The following FAM221A variants were observed in gnomAD, a reference collection of about 807,000 sequenced individuals.
FAM221A encodes family with sequence similarity 221 member A, also known as protein FAM221A.
In FAM221A, 43 loss-of-function variants were observed where a neutral mutation model predicts 37.6. The observed-to-expected ratio is 1.15, with a 90% confidence interval of 0.90 to 1.48. The LOEUF (loss-of-function observed/expected upper bound fraction) is 1.48, where lower values mean the gene tolerates loss of function less well. Among genes scored for constraint, FAM221A ranks in the 40% most tolerant of loss-of-function variants. The pLI, the probability that FAM221A is intolerant of heterozygous loss-of-function variation, is 0.00. For missense variants in FAM221A, 361 were observed against 361.5 expected, an observed-to-expected ratio of 1.00 and a Z score of 0.01; for synonymous variants, 135 against 132.9, an observed-to-expected ratio of 1.02 and a Z score of -0.11.
At position 23,698,244 on chromosome 7, in the gene FAM221A, A is replaced by C; in HGVS notation, c.690A>C (p.Pro230=). 1 of 1,599,464 alleles carries C rather than the reference A, an allele frequency of 6.3e-7. No individual in the cohort carries two copies. Among genetic ancestry groups the C allele is most frequent in the Non-Finnish European group, 8.5e-7 (1 of 1,173,058 alleles). ...CTCCCATTACGGCAGTAGACAGCCC[A>C]TTCCTAAAAGCATTTCAAGCATCAT... ...LESPITAVDS[P]FLKAFQASSS... The change falls in exon 5 of 7, where the codon CCA becomes CCC. Residue 230 remains proline (P), a synonymous_variant. Transcript: ENST00000344962.
intron 4 of FAM221A, chr7:23,692,901 C>G: frequency 8.7e-6 from 2 of 229,292 alleles, no homozygotes; most frequent in Non-Finnish European, 1.4e-5. Flanking sequence ...CTCCTGGGTT[C>G]AAGCGATCCT....
chr7:23,698,157 A>G (rs372079451), intron 4 of FAM221A, 35 bp from the exon 5 acceptor site: 3 of 1,081,192 alleles, frequency 2.8e-6, no homozygotes, highest in Non-Finnish European at 4.2e-6. Flanking sequence ...CCCTGTAAAT[A>G]TTTAATTTTT....
chr7:23,699,535 CTTTTTT>C (rs57930152), intron 5 of FAM221A, among the ~76,000 whole-genome samples: 1 of 64,162 alleles, frequency 1.6e-5, no homozygotes, highest in Non-Finnish European at 2.7e-5. Flanking sequence ...TCACCTTTTC[CTTTTTT>C]TTTTTTTTTT....
chr7:23,690,518 T>C (rs1784682352), intron 3 of FAM221A, among the ~76,000 whole-genome samples: 1 of 152,020 alleles, frequency 6.6e-6, no homozygotes. Context: ...CCCATATATG[T>C]TTGTCAGAGG....
chr7:23,684,416 T>C (rs973458801), intron 1 of FAM221A, 83 bp from the exon 2 acceptor site: 5 of 770,456 alleles, frequency 6.5e-6, no homozygotes, highest in African/African-American at 2.3e-5. Context: ...TACAAATTTA[T>C]TTAATATTTG....
chr7:23,683,866 A>G (rs1272422152), intron 1 of FAM221A, among the ~76,000 whole-genome samples: 3 of 152,212 alleles, frequency 2.0e-5, no homozygotes, highest in Non-Finnish European at 4.4e-5. Context: ...GAAGGCCTGG[A>G]AGATATCGCC....
intron 1 of FAM221A, 89 bp from the exon 2 acceptor site, chr7:23,684,410 A>C (rs1784244015): frequency 1.3e-6 from 1 of 741,252 alleles, no homozygotes; most frequent in African/African-American, 2.3e-5. Context: ...AAAGCTTACA[A>C]ATTTATTTAA....
Position 23,701,278 on chromosome 7 carries a change from C to G in FAM221A, c.828+410C>G, listed in dbSNP as rs546896073. Among the ~76,000 whole-genome samples, 9 of 124,572 alleles carry G rather than the reference C, an allele frequency of 7.2e-5. No individual in the cohort carries two copies. The South Asian group carries it at 2.2e-3, about 31-fold the overall frequency. 81.7% of individuals were successfully genotyped at this position (124,572 alleles called of 152,430 possible). On this transcript the variant is annotated intron_variant, in intron 6 of 6. Coordinates refer to ENST00000344962, the MANE Select transcript of FAM221A (RefSeq NM_199136.5). Reference sequence around the variant, plus strand: ...TTTTTGAGACGGAGTCTTGGTCTGTCGCCCAGGCTGGAGTGCAGTGGCGCG... The same window carrying G: ...TTTTTGAGACGGAGTCTTGGTCTGTGGCCCAGGCTGGAGTGCAGTGGCGCG...
intron 4 of FAM221A, among the ~76,000 whole-genome samples, chr7:23,697,976 T>C (rs1318687600): frequency 6.6e-6 from 1 of 152,052 alleles, no homozygotes; most frequent in Non-Finnish European, 1.5e-5. Flanking sequence ...CCAAGACTGG[T>C]CTTGAACTCC....
chr7:23,689,113 A>C (rs1784550919), intron 2 of FAM221A, 156 bp from the exon 3 acceptor site: 1 of 473,522 alleles, frequency 2.1e-6, no homozygotes, highest in Admixed American at 3.4e-5. Context: ...AGGTGATACA[A>C]GTACTATATG....
intron 2 of FAM221A, chr7:23,687,462 T>G (rs1304238029): frequency 6.6e-6 from 1 of 152,186 alleles, no homozygotes; most frequent in Non-Finnish European, 1.5e-5. Flanking sequence ...TGTGGGTGTG[T>G]GTATAATGTA....
chr7:23,686,226 TATACAGCATGG>T, intron 2 of FAM221A: 1 of 405,340 alleles, frequency 2.5e-6, no homozygotes, highest in South Asian at 1.8e-5. Context: ...CTGTATAACT[TATACAGCATGG>T]ACTTGAACGT....
intron 3 of FAM221A, 86 bp downstream of exon 3, chr7:23,689,545 A>T: frequency 1.0e-6 from 1 of 1,000,552 alleles, no homozygotes. Context: ...CTGGTTGTAG[A>T]GTTAATATTC....
intron 4 of FAM221A, among the ~76,000 whole-genome samples, chr7:23,696,159 A>C (rs549334326): frequency 6.6e-6 from 1 of 152,262 alleles, no homozygotes; most frequent in Non-Finnish European, 1.5e-5. Context: ...AAACTTGTTC[A>C]TCATGCTACT....
At position 23,692,753 on chromosome 7, in the gene FAM221A, C is replaced by T. The variant is rs1033585501; in HGVS notation, c.637+1157C>T. On this transcript the variant is annotated intron_variant, in intron 4 of 6. Coordinates refer to ENST00000344962, the MANE Select transcript of FAM221A (RefSeq NM_199136.5). ...ATACTTCTCTTTGTCTAATTCTTTC[C>T]CCGAGGGTAATTTGCTATCATCAAT... is the stretch of plus-strand genomic sequence containing the variant. 31 of 980,110 alleles carry T rather than the reference C, an allele frequency of 3.2e-5. No homozygotes were observed. The African/African-American group carries it at 5.1e-4, about 16-fold the overall frequency. The allele number at this position is 980,110 out of a possible 1,614,324, so 60.7% of individuals were successfully genotyped here. A position where few individuals can be genotyped will look rare whatever the true frequency, so the allele number is the denominator to read the frequency against.
At chr7:23,691,075 C>G (rs1186983350) in intron 3 of FAM221A, among the ~76,000 whole-genome samples, 2 of 152,132 alleles carry the variant, frequency 1.3e-5, no homozygotes, top group African/African-American at 2.4e-5. Context: ...TTCACCTGGT[C>G]CTGGCCACTG....
chr7:23,691,705 AC>A, intron 4 of FAM221A, 109 bp downstream of exon 4: 2 of 957,998 alleles, frequency 2.1e-6, no homozygotes, highest in Non-Finnish European at 3.1e-6. Flanking sequence ...CTTTCAGAAA[AC>A]ATTCTCTCGT....
chr7:23,698,038 G>A (rs908388501), intron 4 of FAM221A, among the ~76,000 whole-genome samples, 154 bp from the exon 5 acceptor site: 3 of 152,094 alleles, frequency 2.0e-5, no homozygotes, highest in Admixed American at 2.0e-4. Context: ...GGCATTACAG[G>A]CATGAGCCAT....
chr7:23,702,280 G>A lies in FAM221A; in HGVS notation c.*116G>A, dbSNP rs1785508919. ...TACTTTTTTTTTTTACTGTATAAAT[G>A]TCTTTTGGGATGTTTCCTTAATTTA... On this transcript the variant is annotated 3_prime_UTR_variant, in exon 7 of 7. Transcript: ENST00000344962. 4 of 579,850 alleles carry A rather than the reference G, an allele frequency of 6.9e-6. No homozygotes were observed. The highest frequency in any genetic ancestry group is 1.1e-5 in the Non-Finnish European group (4 of 361,536). 35.9% of individuals were successfully genotyped at this position (579,850 alleles called of 1,614,324 possible). A position where few individuals can be genotyped will look rare whatever the true frequency, so the allele number is the denominator to read the frequency against.
Sources: allele counts gnomAD v4.1 joint callset (sites outside exome capture counted in the v4.1 genomes callset), GRCh38; gene constraint gnomAD v4.1.1; transcripts MANE v1.5; gene names NCBI Gene and HGNC (gene_info 2026-07-23, HGNC 2026-07-21).